The following CCDC30 variants were observed in gnomAD, a reference collection of about 807,000 sequenced individuals.
CCDC30 encodes the protein coiled-coil domain-containing protein 30.
CCDC30 carries 70 observed loss-of-function variants against 100.2 expected under a neutral mutation model. That is an observed-to-expected ratio of 0.70 (90% CI 0.58 to 0.85). The LOEUF (loss-of-function observed/expected upper bound fraction) is 0.85. CCDC30 is among the 40% of genes least tolerant of loss of function. The pLI is 0.00. For missense variants in CCDC30, 652 were observed against 771.2 expected (o/e 0.85, Z 1.83); for synonymous variants, 233 against 269.5 (o/e 0.86, Z 1.33).
At chr1:42,598,825 C>T (rs1392120503) in intron 10 of CCDC30, among the ~76,000 whole-genome samples, 1 of 151,704 alleles carries the variant, frequency 6.6e-6, no homozygotes, top group Non-Finnish European at 1.5e-5. Context: ...CTTTGGGAGG[C>T]CAAGACAGGA....
chr1:42,569,481 A>G (rs1645685289), intron 7 of CCDC30, among the ~76,000 whole-genome samples: 1 of 152,172 alleles, frequency 6.6e-6, no homozygotes, highest in Admixed American at 6.5e-5. Flanking sequence ...GAAACAACAG[A>G]TGCTGGCGAG....
At chr1:42,601,340 G>A (rs1315004112) in intron 10 of CCDC30, among the ~76,000 whole-genome samples, 2 of 152,194 alleles carry the variant, frequency 1.3e-5, no homozygotes, top group East Asian at 1.9e-4. Context: ...AAAAACCCCT[G>A]AAGGCAGCTT....
At chr1:42,627,280 G>A (rs1023450630) in intron 11 of CCDC30, among the ~76,000 whole-genome samples, 4 of 152,110 alleles carry the variant, frequency 2.6e-5, no homozygotes, top group African/African-American at 9.7e-5. Flanking sequence ...ATGATTTAGG[G>A]TATCTGGTGG....
chr1:42,491,049 A>G (rs1055051716), intron 4 of CCDC30, among the ~76,000 whole-genome samples: 1 of 152,246 alleles, frequency 6.6e-6, no homozygotes, highest in Non-Finnish European at 1.5e-5. Flanking sequence ...CAGCTAAAAA[A>G]TTTTTAAATA....
At chr1:42,545,532 T>G (rs1255909176) in intron 6 of CCDC30, 3 of 1,605,450 alleles carry the variant, frequency 1.9e-6, no homozygotes, top group Non-Finnish European at 1.7e-6. Context: ...ATGAACCAAT[T>G]TTGGAAACAG....
intron 6 of CCDC30, among the ~76,000 whole-genome samples, chr1:42,554,959 A>G (rs550090498): frequency 1.1e-4 from 17 of 152,094 alleles, no homozygotes; most frequent in South Asian, 8.3e-4. Flanking sequence ...GTCAGTCTAT[A>G]GCCACATTCC....
At chr1:42,523,850 G>A (rs541445974) in intron 6 of CCDC30, among the ~76,000 whole-genome samples, 2 of 152,014 alleles carry the variant, frequency 1.3e-5, no homozygotes, top group Admixed American at 6.5e-5. Context: ...TATTTCTTCT[G>A]CCTGCTCAAA....
At chr1:42,497,026 GT>G in intron 4 of CCDC30, 71 bp from the exon 5 acceptor site, 1 of 734,044 alleles carries the variant, frequency 1.4e-6, no homozygotes, top group Middle Eastern at 2.6e-4. Context: ...CACTTCCTTC[GT>G]TTTTAGAGTT....
intron 9 of CCDC30, among the ~76,000 whole-genome samples, chr1:42,587,400 G>C (rs532140417): frequency 2.0e-5 from 3 of 152,238 alleles, no homozygotes; most frequent in East Asian, 1.9e-4. Context: ...TAGTTTCAAG[G>C]CTTATCTCTT....
intron 11 of CCDC30, among the ~76,000 whole-genome samples, chr1:42,613,412 G>A (rs1020377786): frequency 6.6e-6 from 1 of 152,020 alleles, no homozygotes; most frequent in Non-Finnish European, 1.5e-5. Flanking sequence ...CCACTGCCAC[G>A]CCCGGCTTAT....
intron 12 of CCDC30, among the ~76,000 whole-genome samples, chr1:42,641,818 G>A (rs910212032): frequency 6.6e-6 from 1 of 152,032 alleles, no homozygotes; most frequent in Non-Finnish European, 1.5e-5. Flanking sequence ...TATTGCCACT[G>A]CACTCCAGCC....
At chr1:42,514,843 G>A (rs1400748466) in intron 6 of CCDC30, among the ~76,000 whole-genome samples, 1 of 151,988 alleles carries the variant, frequency 6.6e-6, no homozygotes, top group African/African-American at 2.4e-5. Context: ...TGTATAGATG[G>A]GGTTTCACCA....
intron 11 of CCDC30, among the ~76,000 whole-genome samples, chr1:42,613,564 C>G (rs978283177): frequency 9.2e-5 from 14 of 152,128 alleles, no homozygotes; most frequent in African/African-American, 3.1e-4. Flanking sequence ...TATTCATGTG[C>G]TTTCTGGGAA....
chr1:42,610,967 A>G lies in CCDC30; in HGVS notation c.1165-11A>G. On this transcript the variant is annotated splice_polypyrimidine_tract_variant and intron_variant, in intron 10 of 16. Transcript: ENST00000668663. ...AGGTCAGAGTTCTCATTATTTTTCA[A>G]TGTTTTTCAGCATGTCAAAAGCAAC... 1 of 1,449,820 alleles carries G rather than the reference A, an allele frequency of 6.9e-7. No individual in the cohort carries two copies. The highest frequency in any genetic ancestry group is 2.3e-5 in the East Asian group (1 of 44,026). The allele number at this position is 1,449,820 out of a possible 1,614,324, so 89.8% of individuals were successfully genotyped here.
Position 42,589,409 on chromosome 1 carries a change from C to T in CCDC30, c.1090C>T (p.Gln364Ter). 3 of 1,613,870 alleles carry T rather than the reference C, an allele frequency of 1.9e-6. No homozygotes were observed. Among genetic ancestry groups the T allele is most frequent in the Non-Finnish European group, 2.5e-6 (3 of 1,179,852 alleles). Reference sequence around the variant, plus strand: ...AAATCTACTGGAAATGACCTGTTCTCAGCAACAATCCAGAATTCAGCAACA... The same window carrying T: ...AAATCTACTGGAAATGACCTGTTCTTAGCAACAATCCAGAATTCAGCAACA... Residue 364 changes from glutamine to a stop codon, truncating the protein, a stop_gained, in exon 10 of 17, where the codon CAG becomes TAG. Transcript: ENST00000668663. LOFTEE classifies it high-confidence loss of function.
chr1:42,590,857 G>C (rs533129990), intron 10 of CCDC30: 3 of 152,272 alleles, frequency 2.0e-5, no homozygotes, highest in African/African-American at 7.2e-5. Context: ...ATGGAAATAA[G>C]GAAGTTATTG....
chr1:42,589,349 T>A (rs1285423114), exon 10 of CCDC30: 1 of 1,611,190 alleles, frequency 6.2e-7, no homozygotes, highest in Non-Finnish European at 8.5e-7. Flanking sequence ...CGTAGATGAG[T>A]TACACAGGCA....
chr1:42,604,003 T>G (rs758940914), intron 10 of CCDC30, among the ~76,000 whole-genome samples: 11 of 152,134 alleles, frequency 7.2e-5, no homozygotes, highest in Non-Finnish European at 1.6e-4. Flanking sequence ...GAGGATTGCT[T>G]GAGGCCAGAA....
At chr1:42,456,150 C>A in the CCDC30 span, 1 of 671,686 alleles carries the variant, frequency 1.5e-6, no homozygotes, top group South Asian at 1.6e-5. Flanking sequence ...GGGTGTATTG[C>A]TGAAGTTGGA....
Sources: allele counts gnomAD v4.1 joint callset (sites outside exome capture counted in the v4.1 genomes callset), GRCh38; gene constraint gnomAD v4.1.1; transcripts MANE v1.5; gene names NCBI Gene and HGNC (gene_info 2026-07-23, HGNC 2026-07-21).